The following TM9SF4 variants were observed in gnomAD, a reference collection of about 807,000 sequenced individuals.
The protein encoded by TM9SF4 is dinucleotide oxidase disulfide thiol exchanger 3 superfamily member 4.
Under a neutral mutation model 90.4 loss-of-function variants are expected in TM9SF4, and 26 were observed. That is an observed-to-expected ratio of 0.29 (90% CI 0.21 to 0.40). The LOEUF (loss-of-function observed/expected upper bound fraction) is 0.40. Among genes scored for constraint, TM9SF4 ranks in the 10% least tolerant of loss-of-function variants. The probability of loss-of-function intolerance (pLI) is 1.00; values close to 1 mark genes in which losing one functional copy is unlikely to be tolerated. For missense variants in TM9SF4, 549 were observed against 834.8 expected, an observed-to-expected ratio of 0.66 and a Z score of 4.22; for synonymous variants, 293 against 315.4, an observed-to-expected ratio of 0.93 and a Z score of 0.75.
chr20:32,136,869 C>T, intron 3 of TM9SF4: 1 of 471,192 alleles, frequency 2.1e-6, no homozygotes, highest in South Asian at 1.5e-5. Context: ...TCTTTTCTTA[C>T]ACCTTAGGAA....
intron 1 of TM9SF4, chr20:32,116,166 G>GT (rs1336306446): frequency 2.6e-5 from 4 of 152,070 alleles, no homozygotes; most frequent in Non-Finnish European, 5.9e-5. Flanking sequence ...CATTAAGTAC[G>GT]TTTACACATA....
intron 1 of TM9SF4, among the ~76,000 whole-genome samples, chr20:32,115,806 G>GTTTTTTTT (rs1243268586): frequency 1.0e-4 from 11 of 106,312 alleles, no homozygotes; most frequent in Non-Finnish European, 1.5e-4. Context: ...ACCACTTTAA[G>GTTTTTTTT]CTTTTTTTTT....
intron 17 of TM9SF4, among the ~76,000 whole-genome samples, chr20:32,163,308 T>G (rs780726922): frequency 2.8e-5 from 4 of 142,470 alleles, no homozygotes; most frequent in Non-Finnish European, 6.0e-5. Flanking sequence ...TATGTATGTA[T>G]GTATGTACAC....
intron 8 of TM9SF4, 91 bp from the exon 9 acceptor site, chr20:32,146,694 C>T (rs532795145): frequency 3.9e-5 from 51 of 1,301,864 alleles, no homozygotes; most frequent in Non-Finnish European, 5.1e-5. Flanking sequence ...TGCCAGCTGT[C>T]GCACAGTAAA....
chr20:32,159,833 C>T (rs1300288576), intron 15 of TM9SF4, 159 bp from the exon 16 acceptor site: 2 of 1,014,530 alleles, frequency 2.0e-6, no homozygotes, highest in Non-Finnish European at 2.9e-6. Context: ...GTGGCTCACC[C>T]CCTGCTCTGG....
chr20:32,141,013 C>T (rs560175873), intron 3 of TM9SF4, among the ~76,000 whole-genome samples: 5 of 151,690 alleles, frequency 3.3e-5, no homozygotes, highest in Admixed American at 6.6e-5. Flanking sequence ...GTCAGGATAT[C>T]GAGACCATCC....
At chr20:32,147,123 G>A (rs1267901947) in intron 9 of TM9SF4, among the ~76,000 whole-genome samples, 1 of 151,882 alleles carries the variant, frequency 6.6e-6, no homozygotes, top group Non-Finnish European at 1.5e-5. Flanking sequence ...GAGACTACAG[G>A]CACGCACCAC....
At chr20:32,149,569 G>T (rs577897933) in intron 9 of TM9SF4, 65 bp from the exon 10 acceptor site, 2 of 1,611,214 alleles carry the variant, frequency 1.2e-6, no homozygotes, top group Non-Finnish European at 1.7e-6. Flanking sequence ...GTCACCTTGG[G>T]GGTGGTCCCT....
At chr20:32,160,330 G>T (rs1384126899) in intron 16 of TM9SF4, among the ~76,000 whole-genome samples, 5 of 152,164 alleles carry the variant, frequency 3.3e-5, no homozygotes, top group African/African-American at 9.7e-5. Context: ...GTTGTGTGGG[G>T]TACTCACCAC....
At chr20:32,163,402 G>C (rs1044241909) in intron 17 of TM9SF4, among the ~76,000 whole-genome samples, 1 of 150,308 alleles carries the variant, frequency 6.7e-6, no homozygotes, top group Non-Finnish European at 1.5e-5. Context: ...TTTTCACAAA[G>C]TAGAAAGATG....
chr20:32,119,238 C>A (rs1256419564), intron 1 of TM9SF4, among the ~76,000 whole-genome samples: 2 of 151,842 alleles, frequency 1.3e-5, no homozygotes, highest in African/African-American at 4.8e-5. Flanking sequence ...GCAGGTGGAT[C>A]GCTTGAGCCC....
At chr20:32,150,019 A>G (rs948279395) in intron 10 of TM9SF4, among the ~76,000 whole-genome samples, 42 of 152,152 alleles carry the variant, frequency 2.8e-4, no homozygotes, top group African/African-American at 9.7e-4. Flanking sequence ...GCAACACATC[A>G]TTGCTGTGAG....
At position 32,163,268 on chromosome 20, in the gene TM9SF4, A is replaced by AAAAT. The variant is rs1555886757; in HGVS notation, c.1779+1904_1779+1905insAATA. Among the ~76,000 whole-genome samples, 272 of 74,270 alleles carry AAAAT rather than the reference A, an allele frequency of 3.7e-3. 2 individuals carry two copies. Among genetic ancestry groups the AAAAT allele is most frequent in the Non-Finnish European group, 5.3e-3 (214 of 40,516 alleles). 48.7% of individuals were successfully genotyped at this position (74,270 alleles called of 152,430 possible). On this transcript the variant is annotated intron_variant, in intron 17 of 17. Transcript: ENST00000398022. ...CTCAAAAAAAAAAAAAAAAAAAAAA[A>AAAAT]ATATATATATATATATATATATATA... is the stretch of plus-strand genomic sequence containing the variant.
intron 3 of TM9SF4, among the ~76,000 whole-genome samples, chr20:32,138,144 G>C (rs2046619959): frequency 6.6e-6 from 1 of 152,232 alleles, no homozygotes; most frequent in African/African-American, 2.4e-5. Flanking sequence ...AGTTCTTTCT[G>C]TTGTCGCAGG....
intron 17 of TM9SF4, among the ~76,000 whole-genome samples, chr20:32,163,289 ATATATATG>A (rs764185933): frequency 0.22 from 22,735 of 105,258 alleles, 2,709 homozygotes; most frequent in East Asian, 0.45. Context: ...ATATATATAT[ATATATATG>A]TATGTATGTA....
chr20:32,110,093 C>A, intron 1 of TM9SF4: 3 of 1,183,416 alleles, frequency 2.5e-6, no homozygotes, highest in Non-Finnish European at 3.2e-6. Context: ...CTGAAGACCC[C>A]CTCCCGTTAT....
intron 1 of TM9SF4, among the ~76,000 whole-genome samples, chr20:32,123,232 A>T (rs1333702447): frequency 2.4e-5 from 1 of 42,198 alleles, no homozygotes; most frequent in Non-Finnish European, 4.7e-5. Context: ...GGAGAGGGAG[A>T]GGGAGAGGCT....
At chr20:32,154,980 A>G (rs770814478) in intron 12 of TM9SF4, 123 bp from the exon 13 acceptor site, 59 of 739,460 alleles carry the variant, frequency 8.0e-5, no homozygotes, top group Admixed American at 4.5e-4. Context: ...TCTGGAAGGA[A>G]TGATGCTTGA....
chr20:32,140,131 C>T lies in TM9SF4; in HGVS notation c.230-1366C>T, dbSNP rs571680278. On this transcript the variant is annotated intron_variant, in intron 3 of 17. Coordinates refer to ENST00000398022, the MANE Select transcript of TM9SF4 (RefSeq NM_014742.4). ...TGACTAGATGACTAGGGAGAGTGCC[C>T]TGTCGAGCAGATCCACACTGGAGGA... is the stretch of plus-strand genomic sequence containing the variant. 2.0e-5 allele frequency among the ~76,000 whole-genome samples: 3 copies of T among 152,022 alleles called. No individual in the cohort carries two copies. In the East Asian group the frequency reaches 5.8e-4, roughly 29 times the overall value.
Sources: allele counts gnomAD v4.1 joint callset (sites outside exome capture counted in the v4.1 genomes callset), GRCh38; gene constraint gnomAD v4.1.1; transcripts MANE v1.5; gene names NCBI Gene and HGNC (gene_info 2026-07-23, HGNC 2026-07-21).